The following DPF3 variants were observed in gnomAD, a reference collection of about 807,000 sequenced individuals.
DPF3 encodes zinc finger protein DPF3.
Under a neutral mutation model 56.8 loss-of-function variants are expected in DPF3, and 18 were observed. That is an observed-to-expected ratio of 0.32 (90% confidence interval 0.22 to 0.47). The LOEUF (loss-of-function observed/expected upper bound fraction) is 0.47, where lower values mean the gene tolerates loss of function less well. Among genes scored for constraint, DPF3 ranks in the 20% least tolerant of loss-of-function variants. DPF3 has a pLI of 1.00. For synonymous variants in DPF3, 188 were observed against 180.2 expected, an observed-to-expected ratio of 1.04 and a Z score of -0.35; for missense variants, 403 against 488.8, an observed-to-expected ratio of 0.82 and a Z score of 1.65.
chr14:72,759,628 G>C (rs559635653), intron 2 of DPF3, among the ~76,000 whole-genome samples: 1 of 152,040 alleles, frequency 6.6e-6, no homozygotes, highest in Admixed American at 6.6e-5. Context: ...AAGAAATAAG[G>C]GCTGGAAATT....
chr14:72,620,013 A>G, intron 9 of DPF3, 29 bp from the exon 10 acceptor site: 1 of 1,511,644 alleles, frequency 6.6e-7, no homozygotes, highest in Non-Finnish European at 8.8e-7. Context: ...AGCACAGAGG[A>G]GGAGAGATTC....
chr14:72,697,721 G>A (rs1887965290), intron 6 of DPF3, among the ~76,000 whole-genome samples: 1 of 152,132 alleles, frequency 6.6e-6, no homozygotes, highest in African/African-American at 2.4e-5. Context: ...GGTAGCGAGG[G>A]GCTATTTCAA....
intron 2 of DPF3, among the ~76,000 whole-genome samples, chr14:72,766,226 C>T (rs1891280854): frequency 6.6e-6 from 1 of 152,194 alleles, no homozygotes; most frequent in South Asian, 2.1e-4. Context: ...GGGACTTCTG[C>T]TTCTGGAAAG....
intron 1 of DPF3, among the ~76,000 whole-genome samples, chr14:72,887,586 T>C (rs1886596288): frequency 6.6e-6 from 1 of 152,212 alleles, no homozygotes; most frequent in Non-Finnish European, 1.5e-5. Context: ...CTAGCTGTCC[T>C]CTCTGTCCTA....
chr14:72,702,294 G>T (rs1888203144), intron 6 of DPF3, among the ~76,000 whole-genome samples: 1 of 152,084 alleles, frequency 6.6e-6, no homozygotes, highest in South Asian at 2.1e-4. Context: ...AACACGTGGG[G>T]ACTTGGGCCC....
chr14:72,612,614 G>A lies in DPF3; in HGVS notation c.*6683C>T, dbSNP rs773013640. 3 of 518,900 alleles carry A rather than the reference G, an allele frequency of 5.8e-6. No individual in the cohort carries two copies. Among genetic ancestry groups the A allele is most frequent in the African/African-American group, 5.8e-5 (3 of 52,030 alleles). The allele number at this position is 518,900 out of a possible 1,614,324, so 32.1% of individuals were successfully genotyped here. On this transcript the variant is annotated 3_prime_UTR_variant, in exon 11 of 11. Coordinates refer to ENST00000556509, the MANE Select transcript of DPF3 (RefSeq NM_001280542.3). ...GTGCAGGGAAGGGAGAGGGCAGGAG[G>A]AGAATCAGGGTCTCAGTGGGGAGTA... is the stretch of plus-strand genomic sequence containing the variant.
chr14:72,689,223 C>T (rs949965232), intron 7 of DPF3, among the ~76,000 whole-genome samples: 7 of 152,138 alleles, frequency 4.6e-5, no homozygotes, highest in South Asian at 4.2e-4. Context: ...ATAGAGCAAG[C>T]GACAGCAGGA....
At chr14:72,620,093 C>G in intron 9 of DPF3, 109 bp from the exon 10 acceptor site, 1 of 1,176,056 alleles carries the variant, frequency 8.5e-7, no homozygotes, top group Admixed American at 2.8e-5. Flanking sequence ...CTCACTGGAT[C>G]CCCTTTCCAG....
chr14:72,613,010 G>A lies in DPF3; in HGVS notation c.*6287C>T, dbSNP rs1034537842. ...AAGTAGGGCGTGTGTGTGTGTGTGT[G>A]TGTGTGTGTGTGTGTGTGTGTATGT... On this transcript the variant is annotated 3_prime_UTR_variant, in exon 11 of 11. Coordinates refer to ENST00000556509, the MANE Select transcript of DPF3 (RefSeq NM_001280542.3). 1.9e-4 allele frequency among the ~76,000 whole-genome samples: 29 copies of A among 151,944 alleles called. No individual in the cohort carries two copies. The highest frequency in any genetic ancestry group is 6.8e-4 in the African/African-American group (28 of 41,418).
At chr14:72,739,100 T>C (rs1254131139) in intron 3 of DPF3, among the ~76,000 whole-genome samples, 1 of 151,828 alleles carries the variant, frequency 6.6e-6, no homozygotes, top group Admixed American at 6.6e-5. Flanking sequence ...AAATTAGCCA[T>C]GTGGGATCGT....
At chr14:72,714,927 G>A (rs1888845189) in intron 5 of DPF3, among the ~76,000 whole-genome samples, 3 of 152,198 alleles carry the variant, frequency 2.0e-5, no homozygotes, top group African/African-American at 4.8e-5. Context: ...CACAGCTGAG[G>A]TTGACAACCC....
At chr14:72,745,910 C>CA (rs1890305279) in intron 3 of DPF3, among the ~76,000 whole-genome samples, 1 of 152,182 alleles carries the variant, frequency 6.6e-6, no homozygotes, top group East Asian at 1.9e-4. Context: ...GACATACCCC[C>CA]AAAAAAGGGA....
chr14:72,764,567 C>A (rs1891196067), intron 2 of DPF3, among the ~76,000 whole-genome samples: 1 of 130,590 alleles, frequency 7.7e-6, no homozygotes, highest in South Asian at 2.7e-4. Context: ...CGGCTCACTG[C>A]AAGCTCCGCC....
chr14:72,651,955 C>T (rs1288005239), intron 8 of DPF3, among the ~76,000 whole-genome samples: 1 of 152,214 alleles, frequency 6.6e-6, no homozygotes, highest in Non-Finnish European at 1.5e-5. Flanking sequence ...CAACAGGACT[C>T]ACAGCCAGGA....
chr14:72,714,570 T>C, intron 5 of DPF3, 69 bp from the exon 6 acceptor site: 1 of 1,563,012 alleles, frequency 6.4e-7, no homozygotes, highest in South Asian at 1.1e-5. Flanking sequence ...GCATGCGCTC[T>C]GCGAGCTCCT....
intron 8 of DPF3, among the ~76,000 whole-genome samples, chr14:72,666,962 C>A (rs1886468235): frequency 6.6e-6 from 1 of 152,158 alleles, no homozygotes; most frequent in Admixed American, 6.5e-5. Flanking sequence ...TTTTATTCCA[C>A]CATGAGGTGA....
At chr14:72,837,096 C>T (rs1345312196) in intron 1 of DPF3, among the ~76,000 whole-genome samples, 2 of 151,896 alleles carry the variant, frequency 1.3e-5, no homozygotes, top group Admixed American at 6.6e-5. Flanking sequence ...GTCTCAAATT[C>T]CTGACCTCAA....
intron 1 of DPF3, among the ~76,000 whole-genome samples, chr14:72,883,926 CAAAAA>C (rs5809597): frequency 2.5e-5 from 3 of 121,662 alleles, no homozygotes; most frequent in East Asian, 2.3e-4. Context: ...GACTCTGTCT[CAAAAA>C]AAAAAAAAAA....
At chr14:72,681,274 T>C (rs1417117305) in intron 7 of DPF3, among the ~76,000 whole-genome samples, 1 of 152,162 alleles carries the variant, frequency 6.6e-6, no homozygotes, top group Non-Finnish European at 1.5e-5. Flanking sequence ...GTCCCTCTTA[T>C]ATCGGGGCAC....
Sources: allele counts gnomAD v4.1 joint callset (sites outside exome capture counted in the v4.1 genomes callset), GRCh38; gene constraint gnomAD v4.1.1; transcripts MANE v1.5; gene names NCBI Gene and HGNC (gene_info 2026-07-23, HGNC 2026-07-21).